Variants in DOCK3 observed in about 807,000 individuals in gnomAD.
DOCK3 encodes the protein dedicator of cytokinesis 3.
Under a neutral mutation model 265.6 loss-of-function variants are expected in DOCK3, and 60 were observed. The observed-to-expected ratio is 0.23, with a 90% CI of 0.18 to 0.28. The LOEUF (loss-of-function observed/expected upper bound fraction) is 0.28, where lower values mean the gene tolerates loss of function less well. Among genes scored for constraint, DOCK3 ranks in the 10% least tolerant of loss-of-function variants. The pLI is 1.00. For synonymous variants in DOCK3, 881 were observed against 938.0 expected (o/e 0.94, Z 1.11); for missense variants, 1,981 against 2,594.3 (o/e 0.76, Z 5.14).
At chr3:50,676,182 G>C (rs1490283819) in intron 1 of DOCK3, among the ~76,000 whole-genome samples, 2 of 152,120 alleles carry the variant, frequency 1.3e-5, no homozygotes, top group Non-Finnish European at 2.9e-5. Context: ...ATTTTAGATA[G>C]GAAACCTGTC....
chr3:50,919,850 A>G (rs1319454063), intron 4 of DOCK3, among the ~76,000 whole-genome samples: 1 of 152,148 alleles, frequency 6.6e-6, no homozygotes, highest in Non-Finnish European at 1.5e-5. Flanking sequence ...GGAATGCTTC[A>G]GTTTTTGCCC....
At chr3:50,698,342 A>G (rs1376921513) in intron 1 of DOCK3, among the ~76,000 whole-genome samples, 2 of 152,062 alleles carry the variant, frequency 1.3e-5, no homozygotes, top group Admixed American at 1.3e-4. Context: ...TTTAGCATAT[A>G]TCAATACGTC....
At chr3:50,869,377 T>TGGAGATAGGG (rs1559747149) in intron 3 of DOCK3, among the ~76,000 whole-genome samples, 1 of 66,014 alleles carries the variant, frequency 1.5e-5, no homozygotes, top group Non-Finnish European at 2.9e-5. Flanking sequence ...TTTTTTTTTT[T>TGGAGATAGGG]TTTTTTTTTT....
chr3:51,056,470 G>T (rs1298114788), intron 5 of DOCK3, among the ~76,000 whole-genome samples: 2 of 152,042 alleles, frequency 1.3e-5, no homozygotes, highest in African/African-American at 4.8e-5. Context: ...GGATGGTCTC[G>T]ATGTCCTGAC....
chr3:51,015,061 A>G (rs2079097563), intron 5 of DOCK3, among the ~76,000 whole-genome samples: 1 of 152,146 alleles, frequency 6.6e-6, no homozygotes, highest in Non-Finnish European at 1.5e-5. Context: ...TTCTAAATAT[A>G]AGGTCATATT....
intron 2 of DOCK3, 81 bp from the exon 3 acceptor site, chr3:50,841,594 C>T: frequency 3.6e-6 from 2 of 556,426 alleles, no homozygotes; most frequent in Non-Finnish European, 3.0e-6. Context: ...GTGCATTTAT[C>T]TATTTTTTTC....
At chr3:51,268,335 A>G (rs1353871331) in intron 23 of DOCK3, among the ~76,000 whole-genome samples, 3 of 152,112 alleles carry the variant, frequency 2.0e-5, no homozygotes, top group African/African-American at 4.8e-5. Flanking sequence ...CTCAAAAACA[A>G]ACAAAACTGC....
At chr3:51,115,114 T>C (rs1039019385) in intron 9 of DOCK3, among the ~76,000 whole-genome samples, 1 of 152,230 alleles carries the variant, frequency 6.6e-6, no homozygotes, top group Non-Finnish European at 1.5e-5. Context: ...TATGTGTGCA[T>C]GTGTCTTTAT....
intron 5 of DOCK3, among the ~76,000 whole-genome samples, chr3:50,997,371 GA>G (rs2078323156): frequency 6.6e-6 from 1 of 151,754 alleles, no homozygotes; most frequent in African/African-American, 2.4e-5. Context: ...TATCTTTTAG[GA>G]AAAAAGATAC....
chr3:51,161,202 T>C (rs1398497389), intron 12 of DOCK3, among the ~76,000 whole-genome samples: 2 of 152,012 alleles, frequency 1.3e-5, no homozygotes, highest in African/African-American at 4.8e-5. Context: ...CCCAGCACTT[T>C]GGGAGGCCAA....
intron 5 of DOCK3, among the ~76,000 whole-genome samples, chr3:51,045,335 T>A (rs1356509526): frequency 1.3e-5 from 2 of 152,062 alleles, no homozygotes; most frequent in Non-Finnish European, 2.9e-5. Context: ...TACAGACATT[T>A]GCGATTAATT....
Position 51,381,840 on chromosome 3 carries a change from C to T in DOCK3, c.*281C>T, listed in dbSNP as rs2088672182. 8.3e-6 allele frequency: 3 copies of T among 362,768 alleles called. No individual in the cohort carries two copies. Among genetic ancestry groups the T allele is most frequent in the South Asian group, 1.3e-4 (2 of 15,566 alleles). The allele number at this position is 362,768 out of a possible 1,614,324, so 22.5% of individuals were successfully genotyped here. The stretch of plus-strand genomic sequence containing the variant: ...TTATGCAGTAGATGCTTTCTTCCTC[C>T]TGCAGTTCTGGACCATGTGGAGCTA... On this transcript the variant is annotated 3_prime_UTR_variant, in exon 53 of 53. Transcript: ENST00000266037. The surrounding 1 kb of genome is among the most constrained non-coding windows in gnomAD (Gnocchi z 5.6).
At chr3:50,769,477 G>T (rs1183808051) in intron 1 of DOCK3, among the ~76,000 whole-genome samples, 1 of 152,100 alleles carries the variant, frequency 6.6e-6, no homozygotes, top group African/African-American at 2.4e-5. Context: ...TATGGACCTA[G>T]ATGAAGATGC....
intron 4 of DOCK3, among the ~76,000 whole-genome samples, chr3:50,920,819 T>C (rs904655039): frequency 6.6e-6 from 1 of 152,190 alleles, no homozygotes; most frequent in Non-Finnish European, 1.5e-5. Context: ...CTTGCTTCTC[T>C]AGTTCTTTTA....
chr3:50,675,145 G>GCCCCGCGCCGCCTGACCGT lies in DOCK3; in HGVS notation c.-112_-94dup, dbSNP rs2033838579. On this transcript the variant is annotated 5_prime_UTR_variant, in exon 1 of 53. Transcript: ENST00000266037. This position sits in a 1 kb window ranked among gnomAD's most constrained non-coding sequence, Gnocchi z 6.1. ...GCCTGTGAGGGATGCGCCGCCCACT[G>GCCCCGCGCCGCCTGACCGT]CCCCGCGCCGCCTGACCGTCCCCGC... 1 of 694,346 alleles carries GCCCCGCGCCGCCTGACCGT rather than the reference G, an allele frequency of 1.4e-6. No individual in the cohort carries two copies. Among genetic ancestry groups the GCCCCGCGCCGCCTGACCGT allele is most frequent in the Non-Finnish European group, 1.8e-6 (1 of 556,400 alleles). The allele number at this position is 694,346 out of a possible 1,614,324, so 43.0% of individuals were successfully genotyped here. A position where few individuals can be genotyped will look rare whatever the true frequency, so the allele number is the denominator to read the frequency against.
chr3:51,336,786 G>T, intron 35 of DOCK3: 1 of 438,896 alleles, frequency 2.3e-6, no homozygotes. Flanking sequence ...TCTGTTTAAG[G>T]GACTTAGCTA....
chr3:51,176,042 G>C (rs1039380557), intron 12 of DOCK3, among the ~76,000 whole-genome samples: 1 of 152,164 alleles, frequency 6.6e-6, no homozygotes, highest in Admixed American at 6.5e-5. Context: ...TTGACTTTCA[G>C]TTGCCACTAT....
chr3:50,740,910 A>G (rs944356922), intron 1 of DOCK3, among the ~76,000 whole-genome samples: 1 of 152,122 alleles, frequency 6.6e-6, no homozygotes, highest in Admixed American at 6.6e-5. Flanking sequence ...CACAGTGTGT[A>G]GCCATCACCA....
intron 6 of DOCK3, among the ~76,000 whole-genome samples, chr3:51,071,456 G>A (rs930367202): frequency 3.3e-5 from 5 of 152,102 alleles, no homozygotes; most frequent in Admixed American, 3.3e-4. Context: ...GTGTTCATCT[G>A]TTTAAAGAGT....
Sources: gnomAD v4.1 joint callset for allele counts (sites outside exome capture counted in the v4.1 genomes callset) on GRCh38, gnomAD v4.1.1 for gene constraint, Gnocchi (gnomAD v3.1) non-coding constraint, MANE v1.5 for transcripts, NCBI Gene and HGNC (gene_info 2026-07-23, HGNC 2026-07-21) for gene names.